The following CNNM2 variants were observed in gnomAD, a reference collection of about 807,000 sequenced individuals.
The protein encoded by CNNM2 is metal transporter CNNM2.
CNNM2 carries 12 observed loss-of-function variants against 66.9 expected under a neutral mutation model. The ratio of observed to expected loss-of-function variants is 0.18; its 90% CI spans 0.11 to 0.29. The LOEUF (loss-of-function observed/expected upper bound fraction) is 0.29. CNNM2 is among the 10% of genes least tolerant of loss of function. The pLI, the probability that CNNM2 is intolerant of heterozygous loss-of-function variation, is 1.00. For missense variants in CNNM2, 705 were observed against 1,167.7 expected, an observed-to-expected ratio of 0.60 and a Z score of 5.77; for synonymous variants, 557 against 501.8, an observed-to-expected ratio of 1.11 and a Z score of -1.47.
At chr10:102,927,614 A>C (rs1845916095) in intron 1 of CNNM2, 7 of 629,236 alleles carry the variant, frequency 1.1e-5, no homozygotes, top group Non-Finnish European at 1.5e-5. Context: ...AATACAGAAA[A>C]ATTAGCTGTG....
At chr10:103,018,868 A>AG (rs1275224704) in intron 1 of CNNM2, among the ~76,000 whole-genome samples, 3 of 150,888 alleles carry the variant, frequency 2.0e-5, no homozygotes, top group African/African-American at 7.3e-5. Context: ...CATGTTGGCC[A>AG]GGATGGTCTC....
chr10:102,921,360 A>G (rs1038429945), intron 1 of CNNM2, among the ~76,000 whole-genome samples: 2 of 152,206 alleles, frequency 1.3e-5, no homozygotes, highest in African/African-American at 4.8e-5. Context: ...ACCTGGTGAC[A>G]GCTCACTGGA....
chr10:103,086,759 T>G lies in CNNM2; in HGVS notation c.*9579T>G, dbSNP rs1239074843. Reference sequence around the variant, plus strand: ...GAAGGGTTTGCGTTATTATTTTAGGTCTCAGCAGAGGTATGCTTATGGCAA... The same window carrying G: ...GAAGGGTTTGCGTTATTATTTTAGGGCTCAGCAGAGGTATGCTTATGGCAA... On this transcript the variant is annotated 3_prime_UTR_variant, in exon 8 of 8. Transcript: ENST00000369878. The G allele has an allele frequency of 1.3e-5, 2 of 152,198 alleles. No individual in the cohort carries two copies. Among genetic ancestry groups the G allele is most frequent in the African/African-American group, 4.8e-5 (2 of 41,448 alleles). The allele number at this position is 152,198 out of a possible 1,614,324, so 9.4% of individuals were successfully genotyped here. A position where few individuals can be genotyped will look rare whatever the true frequency, so the allele number is the denominator to read the frequency against.
chr10:103,058,128 A>G (rs1201667208), intron 4 of CNNM2, among the ~76,000 whole-genome samples: 1 of 152,252 alleles, frequency 6.6e-6, no homozygotes, highest in Non-Finnish European at 1.5e-5. Flanking sequence ...AGCTGATTAC[A>G]TGTCACATTC....
intron 1 of CNNM2, among the ~76,000 whole-genome samples, chr10:102,957,909 T>C (rs1847105667): frequency 6.6e-6 from 1 of 152,170 alleles, no homozygotes; most frequent in Admixed American, 6.6e-5. Context: ...TTGGAAGTGC[T>C]GAGTTGTGGG....
In CNNM2 at chr10:102,976,611, A is replaced by ATTTTTTTTTTTTTTTTTTTTTTTT. The variant is rs66498944; in HGVS notation, c.1621+56515_1621+56538dup. ...CAGGTGTGCGCCACACGCCCAGGTA[A>ATTTTTTTTTTTTTTTTTTTTTTTT]TTTTTTTTTTTTTTTTTTTTTTTTT... On this transcript the variant is annotated intron_variant, in intron 1 of 7. Coordinates refer to ENST00000369878, the MANE Select transcript of CNNM2 (RefSeq NM_017649.5). 7.2e-4 allele frequency among the ~76,000 whole-genome samples: 43 copies of ATTTTTTTTTTTTTTTTTTTTTTTT among 59,442 alleles called. 3 individuals carry two copies. The highest frequency in any genetic ancestry group is 1.0e-3 in the South Asian group (2 of 2,002). 39.0% of individuals were successfully genotyped at this position (59,442 alleles called of 152,430 possible).
intron 4 of CNNM2, among the ~76,000 whole-genome samples, chr10:103,057,483 T>TG (rs1440119295): frequency 6.6e-6 from 1 of 150,766 alleles, no homozygotes; most frequent in Non-Finnish European, 1.5e-5. Flanking sequence ...AAAAAAAAGT[T>TG]GGGGGGATGC....
chr10:103,089,673 T>C lies in CNNM2; in HGVS notation c.*12493T>C, dbSNP rs536377819. 57 of 1,595,356 alleles carry C rather than the reference T, an allele frequency of 3.6e-5. 1 individual carries two copies. Among genetic ancestry groups the C allele is most frequent in the Non-Finnish European group, 4.2e-5 (49 of 1,171,172 alleles). On this transcript the variant is annotated 3_prime_UTR_variant, in exon 8 of 8. Coordinates refer to ENST00000369878, the MANE Select transcript of CNNM2 (RefSeq NM_017649.5). ...TGCTTGGGGTTTTGGTTTTCCTCCTTATTCTTCCTCCTCCTCCTCCTCTTC... is the reference window on the plus strand; with the variant it reads ...TGCTTGGGGTTTTGGTTTTCCTCCTCATTCTTCCTCCTCCTCCTCCTCTTC...
chr10:102,982,265 A>G (rs1261893920), intron 1 of CNNM2, among the ~76,000 whole-genome samples: 1 of 152,190 alleles, frequency 6.6e-6, no homozygotes, highest in Non-Finnish European at 1.5e-5. Flanking sequence ...CACTGGCTAT[A>G]TTATTTGATT....
intron 1 of CNNM2, among the ~76,000 whole-genome samples, chr10:102,957,540 A>G (rs776811954): frequency 2.0e-5 from 3 of 152,218 alleles, no homozygotes; most frequent in African/African-American, 7.2e-5. Flanking sequence ...TCAAGAATCT[A>G]TTAAGCTAAG....
Position 103,079,771 on chromosome 10 carries a change from C to G in CNNM2, c.*2591C>G, listed in dbSNP as rs955351867. On this transcript the variant is annotated 3_prime_UTR_variant, in exon 8 of 8. Transcript: ENST00000369878. ...ACACTATTTTATAACATTAGGGAAT[C>G]TAAAATAATTCCTGTCAGGTCCCTG... 6.6e-6 allele frequency: 1 copy of G among 152,186 alleles called. No homozygotes were observed. Among genetic ancestry groups the G allele is most frequent in the Non-Finnish European group, 1.5e-5 (1 of 68,042 alleles). 9.4% of individuals were successfully genotyped at this position (152,186 alleles called of 1,614,324 possible).
chr10:102,921,944 T>A (rs1483558551), intron 1 of CNNM2, among the ~76,000 whole-genome samples: 1 of 152,222 alleles, frequency 6.6e-6, no homozygotes, highest in African/African-American at 2.4e-5. Flanking sequence ...TTCGTATTAT[T>A]TTGAAATTTG....
At chr10:102,998,525 G>A (rs537807375) in intron 1 of CNNM2, among the ~76,000 whole-genome samples, 1 of 152,224 alleles carries the variant, frequency 6.6e-6, no homozygotes, top group Admixed American at 6.5e-5. Flanking sequence ...TTGTCTCTGG[G>A]CAAGGTCTTT....
At chr10:103,038,634 A>G (rs1372573923) in intron 1 of CNNM2, among the ~76,000 whole-genome samples, 1 of 152,214 alleles carries the variant, frequency 6.6e-6, no homozygotes, top group East Asian at 1.9e-4. Context: ...CCATGATTCC[A>G]TATTCCACCA....
At chr10:103,018,985 C>CA (rs2064513132) in intron 1 of CNNM2, among the ~76,000 whole-genome samples, 1 of 146,842 alleles carries the variant, frequency 6.8e-6, no homozygotes, top group Non-Finnish European at 1.5e-5. Context: ...AGGATATTTA[C>CA]GGCCGGGTGC....
chr10:102,973,538 A>G (rs1287473291), intron 1 of CNNM2, among the ~76,000 whole-genome samples: 1 of 149,238 alleles, frequency 6.7e-6, no homozygotes, highest in African/African-American at 2.5e-5. Flanking sequence ...TTTTTGGTAG[A>G]GACAAGGTCT....
chr10:102,994,661 C>T (rs2063956120), intron 1 of CNNM2, among the ~76,000 whole-genome samples: 1 of 152,240 alleles, frequency 6.6e-6, no homozygotes, highest in Non-Finnish European at 1.5e-5. Flanking sequence ...TCCACTAAAG[C>T]TGTCGGCTCC....
Position 102,965,089 on chromosome 10 carries a change from G to T in CNNM2, c.1621+44988G>T, listed in dbSNP as rs989915197. On this transcript the variant is annotated intron_variant, in intron 1 of 7. Transcript: ENST00000369878. ...TCAGCCTGCCCGCGCCTTGATCTTA[G>T]ACTTCCCAGCCTCCAGAACTGTGAG... 3.9e-5 allele frequency among the ~76,000 whole-genome samples: 6 copies of T among 152,306 alleles called. No homozygotes were observed. The South Asian group carries it at 1.2e-3, about 32-fold the overall frequency.
chr10:103,075,949 A>C, intron 6 of CNNM2, 137 bp from the exon 7 acceptor site: 1 of 780,194 alleles, frequency 1.3e-6, no homozygotes, highest in Admixed American at 2.6e-5. Flanking sequence ...ACCCTCTGGC[A>C]TACTGTGCGG....
Sources: allele counts gnomAD v4.1 joint callset (sites outside exome capture counted in the v4.1 genomes callset), GRCh38; gene constraint gnomAD v4.1.1; transcripts MANE v1.5; gene names NCBI Gene and HGNC (gene_info 2026-07-23, HGNC 2026-07-21).